The following SLC9A9 variants were observed in gnomAD, a reference collection of about 807,000 sequenced individuals.
SLC9A9 encodes the protein sodium/hydrogen exchanger 9.
In SLC9A9, 62 loss-of-function variants were observed where a neutral mutation model predicts 77.8. That is an observed-to-expected ratio of 0.80 (90% CI 0.65 to 0.98). SLC9A9 has a LOEUF of 0.98. Among genes scored for constraint, SLC9A9 ranks in the 50% least tolerant of loss-of-function variants. The probability of loss-of-function intolerance (pLI) is 0.00; values close to 1 mark genes in which losing one functional copy is unlikely to be tolerated. For synonymous variants in SLC9A9, 320 were observed against 283.5 expected, an observed-to-expected ratio of 1.13 and a Z score of -1.29; for missense variants, 775 against 774.9, an observed-to-expected ratio of 1.00 and a Z score of 0.00.
At chr3:143,388,870 A>G (rs2033490315) in intron 12 of SLC9A9, among the ~76,000 whole-genome samples, 1 of 152,272 alleles carries the variant, frequency 6.6e-6, no homozygotes, top group Non-Finnish European at 1.5e-5. Flanking sequence ...CCTGATCAAG[A>G]TGAGCTATGG....
chr3:143,349,890 G>A (rs1267817195), intron 14 of SLC9A9, among the ~76,000 whole-genome samples: 1 of 152,140 alleles, frequency 6.6e-6, no homozygotes, highest in Non-Finnish European at 1.5e-5. Flanking sequence ...CCCTATGAGA[G>A]AGCCACTCAG....
intron 5 of SLC9A9, among the ~76,000 whole-genome samples, chr3:143,674,452 A>G (rs2039206598): frequency 6.6e-6 from 1 of 152,216 alleles, no homozygotes; most frequent in African/African-American, 2.4e-5. Context: ...GCAATTTCAC[A>G]GGGCCTCTCT....
intron 9 of SLC9A9, among the ~76,000 whole-genome samples, chr3:143,542,393 T>C (rs1218224556): frequency 6.6e-6 from 1 of 152,218 alleles, no homozygotes; most frequent in Non-Finnish European, 1.5e-5. Flanking sequence ...TATGAAGATA[T>C]CTTTGATCTT....
At chr3:143,830,502 C>T (rs2009407645) in intron 2 of SLC9A9, among the ~76,000 whole-genome samples, 1 of 152,262 alleles carries the variant, frequency 6.6e-6, no homozygotes, top group East Asian at 1.9e-4. Context: ...AATTCAATAA[C>T]AAAATTTCTG....
intron 14 of SLC9A9, among the ~76,000 whole-genome samples, chr3:143,332,242 G>A (rs373545849): frequency 8.6e-4 from 131 of 152,236 alleles, no homozygotes; most frequent in African/African-American, 3.0e-3. Flanking sequence ...GGCATGAATG[G>A]TATTCTTTCC....
intron 1 of SLC9A9, 25 bp from the exon 2 acceptor site, chr3:143,832,246 G>A (rs1166037016): frequency 4.3e-5 from 69 of 1,586,536 alleles, no homozygotes; most frequent in Non-Finnish European, 5.9e-5. Context: ...ATAAATAATG[G>A]TACTGGAGGA....
Position 143,666,295 on chromosome 3 carries a change from TA to T in SLC9A9, c.650-13936del, listed in dbSNP as rs2039067136. On this transcript the variant is annotated intron_variant, in intron 5 of 15. Coordinates refer to ENST00000316549, the MANE Select transcript of SLC9A9 (RefSeq NM_173653.4). ...GAAAAAATTCAACAGCCCTTCATGC[TA>T]AAAACTCTCAATAAACTAGGTATTG... Among the ~76,000 whole-genome samples the T allele has an allele frequency of 3.9e-5, 6 of 152,310 alleles. No individual in the cohort carries two copies. The South Asian group carries it at 1.0e-3, about 26-fold the overall frequency.
At chr3:143,836,263 C>T (rs2009564881) in intron 1 of SLC9A9, among the ~76,000 whole-genome samples, 1 of 152,204 alleles carries the variant, frequency 6.6e-6, no homozygotes, top group Non-Finnish European at 1.5e-5. Context: ...ACATATTATT[C>T]AGTGCTTCTT....
At chr3:143,688,630 C>A (rs1438680432) in intron 5 of SLC9A9, among the ~76,000 whole-genome samples, 1 of 152,026 alleles carries the variant, frequency 6.6e-6, no homozygotes, top group African/African-American at 2.4e-5. Flanking sequence ...AGAGTGAAAT[C>A]TTCTAGCAAT....
intron 14 of SLC9A9, among the ~76,000 whole-genome samples, chr3:143,284,703 T>C (rs983283894): frequency 3.3e-5 from 5 of 152,178 alleles, no homozygotes; most frequent in Admixed American, 2.0e-4. Flanking sequence ...CACTTCAACC[T>C]AATAGTACCT....
intron 12 of SLC9A9, among the ~76,000 whole-genome samples, chr3:143,447,896 C>T (rs1315744063): frequency 5.3e-5 from 8 of 152,148 alleles, no homozygotes; most frequent in Admixed American, 5.2e-4. Context: ...TACACAAAGG[C>T]AGGGATTTCT....
At chr3:143,565,178 T>C (rs2037148726) in intron 8 of SLC9A9, among the ~76,000 whole-genome samples, 1 of 152,206 alleles carries the variant, frequency 6.6e-6, no homozygotes, top group Admixed American at 6.6e-5. Flanking sequence ...TGGAATGAAC[T>C]GATTATTGTG....
At chr3:143,693,154 A>C (rs1453808097) in intron 5 of SLC9A9, 38 bp downstream of exon 5, 1 of 1,489,204 alleles carries the variant, frequency 6.7e-7, no homozygotes, top group Non-Finnish European at 9.3e-7. Context: ...TAAATGTTTG[A>C]TTCTTAAAAG....
intron 12 of SLC9A9, among the ~76,000 whole-genome samples, chr3:143,433,575 C>T (rs988637035): frequency 6.6e-6 from 1 of 152,156 alleles, no homozygotes; most frequent in Non-Finnish European, 1.5e-5. Flanking sequence ...CCAGATTAAT[C>T]GAGATCTGGT....
At chr3:143,505,211 C>T (rs1227891142) in intron 9 of SLC9A9, among the ~76,000 whole-genome samples, 1 of 152,112 alleles carries the variant, frequency 6.6e-6, no homozygotes, top group Non-Finnish European at 1.5e-5. Flanking sequence ...ACCCCTCCTA[C>T]ACTCATTCTC....
At chr3:143,531,492 A>G (rs780136275) in intron 9 of SLC9A9, among the ~76,000 whole-genome samples, 2 of 152,230 alleles carry the variant, frequency 1.3e-5, no homozygotes, top group Non-Finnish European at 2.9e-5. Flanking sequence ...AAGCAGCACT[A>G]AATCAAATAA....
intron 4 of SLC9A9, among the ~76,000 whole-genome samples, chr3:143,743,511 G>A (rs1935134196): frequency 6.6e-6 from 1 of 152,146 alleles, no homozygotes; most frequent in East Asian, 1.9e-4. Context: ...GAGTTTTGAT[G>A]TCCAAAGGTG....
At chr3:143,555,594 C>A (rs942100987) in intron 8 of SLC9A9, among the ~76,000 whole-genome samples, 4 of 152,190 alleles carry the variant, frequency 2.6e-5, no homozygotes, top group African/African-American at 4.8e-5. Flanking sequence ...CATCCCTGTG[C>A]TTTTCTGCCT....
intron 12 of SLC9A9, among the ~76,000 whole-genome samples, chr3:143,389,869 G>A (rs546254849): frequency 5.5e-4 from 84 of 152,266 alleles, no homozygotes; most frequent in African/African-American, 2.0e-3. Flanking sequence ...AAGGGTTAGA[G>A]GGAGAAGGAA....
Sources: gnomAD v4.1 joint callset for allele counts (sites outside exome capture counted in the v4.1 genomes callset) on GRCh38, gnomAD v4.1.1 for gene constraint, MANE v1.5 for transcripts, NCBI Gene and HGNC (gene_info 2026-07-23, HGNC 2026-07-21) for gene names.